The following DHX57 variants were observed in gnomAD, a reference collection of about 807,000 sequenced individuals.
DHX57 encodes the protein DExH-box helicase 57, also known as putative ATP-dependent RNA helicase DHX57.
Under a neutral mutation model 156.2 loss-of-function variants are expected in DHX57, and 105 were observed. That is an observed-to-expected ratio of 0.67 (90% CI 0.57 to 0.79). The LOEUF is 0.79. Among genes scored for constraint, DHX57 ranks in the 30% least tolerant of loss-of-function variants. DHX57 has a pLI of 0.00. For synonymous variants in DHX57, 704 were observed against 595.6 expected (o/e 1.18, Z -2.65); for missense variants, 1,847 against 1,661.9 (o/e 1.11, Z -1.94).
At chr2:38,837,800 G>T in intron 13 of DHX57, 31 bp downstream of exon 13, 1 of 1,339,938 alleles carries the variant, frequency 7.5e-7, no homozygotes, top group Non-Finnish European at 1.1e-6. Flanking sequence ...TGTTTCAATT[G>T]TCATTCAAGC....
rs749710971 is a variant in DHX57, at chr2:38,798,417, C to T, written c.4043G>A (p.Arg1348His). ...HQVAELVKELRCELDQLLQDK... is the reference protein window; with the variant it reads ...HQVAELVKELHCELDQLLQDK... ...CTGGAGAAGCTGATCAAGTTCGCAA[C>T]GAAGCTCCTTTACCAGTTCAGCCAC... is the stretch of plus-strand genomic sequence containing the variant. The change falls in exon 24 of 24, where the codon CGT (arginine) becomes CAT (histidine). Residue 1348 changes from arginine (R) to histidine (H), a missense_variant. Transcript: ENST00000457308. The T allele has an allele frequency of 6.2e-6, 10 of 1,613,548 alleles. No homozygotes were observed. The African/African-American group carries it at 9.3e-5, about 15-fold the overall frequency.
intron 19 of DHX57, 181 bp from the exon 20 acceptor site, chr2:38,815,836 AC>A (rs1670520548): frequency 5.7e-6 from 4 of 705,856 alleles, no homozygotes; most frequent in Non-Finnish European, 9.2e-6. Context: ...GCTTTCACTT[AC>A]GCAAACTGGC....
Position 38,799,281 on chromosome 2 carries a change from G to A in DHX57, c.4018-839C>T, listed in dbSNP as rs574495106. Reference sequence around the variant, plus strand: ...CTTGGGAGGCTAAGGCAGGAGAATCGCTTGAACCTGGGAGGTGGAGGTTGC... The same window carrying A: ...CTTGGGAGGCTAAGGCAGGAGAATCACTTGAACCTGGGAGGTGGAGGTTGC... On this transcript the variant is annotated intron_variant, in intron 23 of 23. Transcript: ENST00000457308. Among the ~76,000 whole-genome samples the A allele has an allele frequency of 7.9e-5, 12 of 151,754 alleles. No individual in the cohort carries two copies. The East Asian group carries it at 1.8e-3, about 22-fold the overall frequency.
In DHX57 at chr2:38,864,343, C is replaced by T. The variant is rs950749002; in HGVS notation, c.225-824G>A. The stretch of plus-strand genomic sequence containing the variant: ...TAGGATTGCTTAAGCCCCAGGAGTT[C>T]GAGACCAGCCTGGGCAATATAGCAA... On this transcript the variant is annotated intron_variant, in intron 2 of 23. Transcript: ENST00000457308. Among the ~76,000 whole-genome samples the T allele has an allele frequency of 3.4e-5, 5 of 149,178 alleles. No individual in the cohort carries two copies. The South Asian group carries it at 6.4e-4, about 19-fold the overall frequency.
chr2:38,849,122 T>G (rs1267026283), intron 9 of DHX57, among the ~76,000 whole-genome samples: 2 of 152,220 alleles, frequency 1.3e-5, no homozygotes, highest in African/African-American at 4.8e-5. Flanking sequence ...TATAGCATTG[T>G]TTGTAATAGT....
intron 16 of DHX57, among the ~76,000 whole-genome samples, chr2:38,824,412 G>A (rs1177943810): frequency 1.3e-5 from 2 of 152,158 alleles, no homozygotes; most frequent in East Asian, 3.9e-4. Context: ...TGCAAAATGA[G>A]TAAGTTCGAG....
Position 38,861,277 on chromosome 2 carries a change from T to C in DHX57, c.1133A>G (p.Asn378Ser), listed in dbSNP as rs1477983361. Residue 378 changes from asparagine (N) to serine (S), a missense_variant, in exon 5 of 24, where the codon AAT becomes AGT. Physicochemically the swap from Asn to Ser is conservative, Grantham distance 46. Coordinates refer to ENST00000457308, the MANE Select transcript of DHX57 (RefSeq NM_198963.3). ...ACGACAAGCCAGAGGTAGGTTCTCA[T>C]TGGTGGAATAAAATGCCACGAGCGG... Reference protein sequence around the residue: ...QAPLVAFYSTNENLPLACRLH... With the variant: ...QAPLVAFYSTSENLPLACRLH... 11 of 1,614,076 alleles carry C rather than the reference T, an allele frequency of 6.8e-6. No homozygotes were observed. Among genetic ancestry groups the C allele is most frequent in the African/African-American group, 4.0e-5 (3 of 74,920 alleles).
At position 38,826,532 on chromosome 2, in the gene DHX57, T is replaced by C; in HGVS notation, c.2797A>G (p.Lys933Glu). Residue 933 changes from lysine to glutamate, a missense_variant, in exon 15 of 24, where the codon AAA becomes GAA. Coordinates refer to ENST00000457308, the MANE Select transcript of DHX57 (RefSeq NM_198963.3). ...DDVVYVIDSG[K>E]MKEKRYDASK... Reference sequence around the variant, plus strand: ...ACGGAATACCTCTTTTCTTTCATTTTCCCAGAATCGATAACATAGACAACA... The same window carrying C: ...ACGGAATACCTCTTTTCTTTCATTTCCCCAGAATCGATAACATAGACAACA... 1 of 1,613,970 alleles carries C rather than the reference T, an allele frequency of 6.2e-7. No individual in the cohort carries two copies. Among genetic ancestry groups the C allele is most frequent in the Non-Finnish European group, 8.5e-7 (1 of 1,179,882 alleles).
At chr2:38,853,327 T>C (rs575869770) in intron 9 of DHX57, 1 of 152,412 alleles carries the variant, frequency 6.6e-6, no homozygotes, top group Admixed American at 6.5e-5. Flanking sequence ...CTCACTATGT[T>C]GCCCAGGTGG....
intron 16 of DHX57, 102 bp downstream of exon 16, chr2:38,825,745 C>T: frequency 1.6e-6 from 2 of 1,221,780 alleles, no homozygotes; most frequent in Non-Finnish European, 2.3e-6. Context: ...GGTGGTCATT[C>T]TTAGCCAAAT....
chr2:38,826,733 C>G, intron 14 of DHX57, 44 bp from the exon 15 acceptor site: 1 of 1,586,532 alleles, frequency 6.3e-7, no homozygotes, highest in Non-Finnish European at 8.6e-7. Context: ...GCACCTAGCA[C>G]CGAAACTAGA....
chr2:38,825,615 T>C (rs1031095952), intron 16 of DHX57, among the ~76,000 whole-genome samples: 24 of 152,188 alleles, frequency 1.6e-4, no homozygotes, highest in Non-Finnish European at 2.1e-4. Flanking sequence ...ACATATGTAC[T>C]CTTAAGCTCT....
At chr2:38,798,493 G>A (rs962049393) in intron 23 of DHX57, 51 bp from the exon 24 acceptor site, 2 of 1,527,744 alleles carry the variant, frequency 1.3e-6, no homozygotes, top group African/African-American at 2.8e-5. Context: ...AGGCAGGATA[G>A]GTTATTGGAG....
chr2:38,872,640 T>C (rs1665407019), intron 1 of DHX57, among the ~76,000 whole-genome samples: 1 of 152,206 alleles, frequency 6.6e-6, no homozygotes, highest in Non-Finnish European at 1.5e-5. Context: ...GATAGGGATA[T>C]TTCTTAATGA....
At chr2:38,866,375 C>G (rs1041458076) in intron 2 of DHX57, among the ~76,000 whole-genome samples, 5 of 152,194 alleles carry the variant, frequency 3.3e-5, no homozygotes, top group African/African-American at 9.7e-5. Context: ...TTGCTCTTCC[C>G]TCTGCCTTGA....
At chr2:38,831,037 T>C (rs1172021550) in intron 13 of DHX57, among the ~76,000 whole-genome samples, 3 of 151,902 alleles carry the variant, frequency 2.0e-5, no homozygotes, top group African/African-American at 7.3e-5. Context: ...CACTGCACTC[T>C]AGCCTGAGTG....
chr2:38,816,781 T>C (rs1044412153), intron 19 of DHX57, among the ~76,000 whole-genome samples: 1 of 152,196 alleles, frequency 6.6e-6, no homozygotes, highest in African/African-American at 2.4e-5. Flanking sequence ...TTCTATTTCA[T>C]GACAAAGTTT....
intron 5 of DHX57, among the ~76,000 whole-genome samples, chr2:38,860,077 C>A (rs1227968822): frequency 2.0e-5 from 3 of 152,002 alleles, no homozygotes; most frequent in Non-Finnish European, 4.4e-5. Context: ...CTTCAGCCTC[C>A]CAAAGTGCTG....
intron 1 of DHX57, among the ~76,000 whole-genome samples, chr2:38,872,384 A>T (rs1295561494): frequency 1.3e-5 from 2 of 152,266 alleles, no homozygotes; most frequent in Non-Finnish European, 2.9e-5. Flanking sequence ...CTCAGTATAT[A>T]GACAATAAAA....
Sources: allele counts gnomAD v4.1 joint callset (sites outside exome capture counted in the v4.1 genomes callset), GRCh38; gene constraint gnomAD v4.1.1; transcripts MANE v1.5; gene names NCBI Gene and HGNC (gene_info 2026-07-23, HGNC 2026-07-21).